The following UBE4B variants were observed in gnomAD, a reference collection of about 807,000 sequenced individuals.
UBE4B encodes the protein ubiquitination factor E4B.
UBE4B carries 27 observed loss-of-function variants against 148.1 expected under a neutral mutation model. The observed-to-expected ratio is 0.18, with a 90% CI of 0.13 to 0.25. The LOEUF (loss-of-function observed/expected upper bound fraction) is 0.25. UBE4B is among the 10% of genes least tolerant of loss of function. UBE4B has a pLI of 1.00. For synonymous variants in UBE4B, 596 were observed against 619.3 expected (o/e 0.96, Z 0.56); for missense variants, 1,170 against 1,662.4 (o/e 0.70, Z 5.15).
intron 17 of UBE4B, 52 bp downstream of exon 17, chr1:10,137,257 C>T: frequency 6.2e-7 from 1 of 1,607,788 alleles, no homozygotes. Flanking sequence ...CACTTTTTCT[C>T]AGGGGCAGGC....
intron 7 of UBE4B, chr1:10,107,112 C>G (rs1570902600): frequency 1.9e-6 from 2 of 1,062,994 alleles, no homozygotes; most frequent in East Asian, 1.2e-4. Context: ...ATGTCAGTGG[C>G]CAAAAGTTTT....
intron 20 of UBE4B, among the ~76,000 whole-genome samples, 177 bp from the exon 21 acceptor site, chr1:10,151,149 C>G (rs1268109984): frequency 6.7e-6 from 1 of 149,410 alleles, no homozygotes; most frequent in African/African-American, 2.5e-5. Flanking sequence ...GGCGACAGAG[C>G]GAGACTCTGT....
chr1:10,167,441 A>AATAAT (rs1646269524), intron 23 of UBE4B, among the ~76,000 whole-genome samples: 1 of 147,166 alleles, frequency 6.8e-6, no homozygotes, highest in Non-Finnish European at 1.5e-5. Flanking sequence ...CCGTCTCAAA[A>AATAAT]AATAATAATA....
At chr1:10,103,236 C>A in intron 5 of UBE4B, 144 bp downstream of exon 5, 1 of 759,318 alleles carries the variant, frequency 1.3e-6, no homozygotes. Flanking sequence ...GATGAGGACA[C>A]AATTGTTTAG....
At chr1:10,086,015 A>G (rs983337884) in intron 2 of UBE4B, among the ~76,000 whole-genome samples, 44 of 151,092 alleles carry the variant, frequency 2.9e-4, no homozygotes, top group African/African-American at 9.8e-4. Context: ...TCTGTCTCCC[A>G]GGCTGGAGTG....
chr1:10,051,621 C>T (rs899453698), intron 1 of UBE4B, among the ~76,000 whole-genome samples: 2 of 152,072 alleles, frequency 1.3e-5, no homozygotes, highest in African/African-American at 4.8e-5. Context: ...TTTTCTAAAA[C>T]GTGGAGTGAT....
intron 1 of UBE4B, among the ~76,000 whole-genome samples, chr1:10,052,874 C>G (rs1193471633): frequency 6.6e-6 from 1 of 152,208 alleles, no homozygotes; most frequent in Non-Finnish European, 1.5e-5. Flanking sequence ...GTTCCAAGAT[C>G]AAGGTGCTAA....
chr1:10,157,338 C>T (rs1475616781), intron 21 of UBE4B, among the ~76,000 whole-genome samples: 1 of 152,042 alleles, frequency 6.6e-6, no homozygotes, highest in Non-Finnish European at 1.5e-5. Context: ...ATAAGCCACG[C>T]GTGGTGGATA....
intron 1 of UBE4B, among the ~76,000 whole-genome samples, chr1:10,055,815 G>A (rs530435398): frequency 2.0e-5 from 3 of 152,272 alleles, no homozygotes; most frequent in Non-Finnish European, 4.4e-5. Context: ...AGCTACTTGG[G>A]AGGCTGAGGC....
At chr1:10,167,705 G>T (rs1646275208) in intron 23 of UBE4B, among the ~76,000 whole-genome samples, 1 of 148,502 alleles carries the variant, frequency 6.7e-6, no homozygotes. Context: ...CAGTTCTCCT[G>T]CCTCAGCCTC....
chr1:10,064,592 A>G (rs1321784157), intron 1 of UBE4B, among the ~76,000 whole-genome samples: 2 of 152,016 alleles, frequency 1.3e-5, no homozygotes, highest in African/African-American at 2.4e-5. Context: ...CATCATTATC[A>G]TTACCCTTCA....
intron 1 of UBE4B, chr1:10,059,210 G>C (rs796660720): frequency 7.3e-5 from 11 of 150,756 alleles, no homozygotes; most frequent in African/African-American, 2.8e-4. Flanking sequence ...AGCCCTGGGG[G>C]ACAGAGCGAG....
intron 8 of UBE4B, among the ~76,000 whole-genome samples, chr1:10,118,588 T>C (rs529419930): frequency 6.6e-6 from 1 of 152,084 alleles, no homozygotes; most frequent in Non-Finnish European, 1.5e-5. Context: ...CACCGCAACC[T>C]CTGCCTCCTG....
At chr1:10,116,984 G>C (rs1264486634) in intron 7 of UBE4B, among the ~76,000 whole-genome samples, 1 of 152,118 alleles carries the variant, frequency 6.6e-6, no homozygotes, top group African/African-American at 2.4e-5. Context: ...TTAACCTTTG[G>C]TTCTATTGCC....
intron 17 of UBE4B, among the ~76,000 whole-genome samples, chr1:10,138,321 TCTC>T (rs1645728772): frequency 6.6e-6 from 1 of 151,922 alleles, no homozygotes. Flanking sequence ...ATAGTCTTGA[TCTC>T]CTGACCTCGT....
intron 7 of UBE4B, among the ~76,000 whole-genome samples, chr1:10,108,834 A>G (rs1222470711): frequency 2.0e-5 from 3 of 152,216 alleles, no homozygotes; most frequent in Non-Finnish European, 4.4e-5. Flanking sequence ...TTGCATGATT[A>G]TAGTAATAAA....
At chr1:10,068,045 T>C (rs1479640255) in intron 1 of UBE4B, among the ~76,000 whole-genome samples, 2 of 151,134 alleles carry the variant, frequency 1.3e-5, no homozygotes, top group Non-Finnish European at 1.5e-5. Context: ...TTTTTTTTTT[T>C]TAAGATGGAG....
chr1:10,062,501 C>T lies in UBE4B; in HGVS notation c.25-9527C>T, dbSNP rs192904636. 3.0e-3 allele frequency among the ~76,000 whole-genome samples: 460 copies of T among 152,114 alleles called. 3 individuals are homozygous for T. Among genetic ancestry groups the T allele is most frequent in the African/African-American group, 0.011 (436 of 41,524 alleles). On this transcript the variant is annotated intron_variant, in intron 1 of 27. Transcript: ENST00000343090. ...CTAATTTTTGTATTTTTAGTAGAGA[C>T]GAGGTTTTGCCATTTTGGCGAGGCT...
intron 23 of UBE4B, among the ~76,000 whole-genome samples, chr1:10,166,538 A>G (rs1318345227): frequency 6.6e-6 from 1 of 152,196 alleles, no homozygotes; most frequent in African/African-American, 2.4e-5. Context: ...TTGTAATCCC[A>G]GCACTTTGGG....
Sources: allele counts gnomAD v4.1 joint callset (sites outside exome capture counted in the v4.1 genomes callset), GRCh38; gene constraint gnomAD v4.1.1; transcripts MANE v1.5; gene names NCBI Gene and HGNC (gene_info 2026-07-23, HGNC 2026-07-21).